The following RNF149 variants were observed in gnomAD, a reference collection of about 807,000 sequenced individuals.
RNF149 encodes the protein E3 ubiquitin-protein ligase RNF149.
In RNF149, 21 loss-of-function variants were observed where a neutral mutation model predicts 39.0. The observed-to-expected ratio is 0.54, with a 90% confidence interval of 0.38 to 0.77. The LOEUF is 0.77. Among genes scored for constraint, RNF149 ranks in the 30% least tolerant of loss-of-function variants. RNF149 has a pLI of 0.00. For synonymous variants in RNF149, 209 were observed against 213.6 expected (o/e 0.98, Z 0.19); for missense variants, 493 against 534.9 (o/e 0.92, Z 0.77).
chr2:101,300,874 T>G (rs1179571389), intron 1 of RNF149, among the ~76,000 whole-genome samples: 2 of 152,212 alleles, frequency 1.3e-5, no homozygotes, highest in Non-Finnish European at 2.9e-5. Context: ...TGTGCACAAC[T>G]GCAAGGGGTG....
chr2:101,279,478 T>C (rs758802672), intron 6 of RNF149, among the ~76,000 whole-genome samples: 1 of 152,208 alleles, frequency 6.6e-6, no homozygotes, highest in South Asian at 2.1e-4. Context: ...AGGGTGCTCA[T>C]GTACTAGAGA....
chr2:101,285,741 A>G (rs1357469355), intron 5 of RNF149, among the ~76,000 whole-genome samples: 3 of 152,202 alleles, frequency 2.0e-5, no homozygotes, highest in East Asian at 3.8e-4. Context: ...CTGACAACCT[A>G]TGAGGCTCCT....
chr2:101,298,585 C>T (rs1040871653), intron 1 of RNF149, among the ~76,000 whole-genome samples: 4 of 152,084 alleles, frequency 2.6e-5, no homozygotes, highest in African/African-American at 7.2e-5. Flanking sequence ...TAAGTACTGA[C>T]AGTACTCAAG....
At chr2:101,287,119 C>T (rs1411652131) in intron 4 of RNF149, among the ~76,000 whole-genome samples, 3 of 152,052 alleles carry the variant, frequency 2.0e-5, no homozygotes, top group African/African-American at 4.8e-5. Flanking sequence ...GTCAGGAGTT[C>T]GAGACCAGCC....
chr2:101,271,973 CAT>C (rs1250714861), downstream of RNF149, among the ~76,000 whole-genome samples: 21 of 152,322 alleles, frequency 1.4e-4, no homozygotes, highest in Middle Eastern at 3.4e-3. Flanking sequence ...ATGATGGTCA[CAT>C]GTCTCTTTTA....
intron 5 of RNF149, 62 bp downstream of exon 5, chr2:101,286,019 G>T (rs1229412429): frequency 6.3e-6 from 6 of 950,134 alleles, no homozygotes; most frequent in Admixed American, 3.8e-5. Context: ...AGTCAATAAT[G>T]AAACTGAATC....
chr2:101,294,213 A>G, intron 2 of RNF149, 131 bp from the exon 3 acceptor site: 1 of 573,120 alleles, frequency 1.7e-6, no homozygotes, highest in Non-Finnish European at 3.1e-6. Context: ...TCAAATGACT[A>G]TACTGAAAAT....
rs776207284 is a variant in RNF149, at chr2:101,294,050, G to A, written c.744C>T (p.Gly248=). 1.9e-6 allele frequency: 3 copies of A among 1,587,012 alleles called. No homozygotes were observed. The highest frequency in any genetic ancestry group is 2.2e-5 in the South Asian group (2 of 89,892). The change falls in exon 3 of 7, where the codon GGC becomes GGT. Residue 248 remains glycine, a synonymous_variant. Transcript: ENST00000295317. ...GCTTTACAGTATGAAGTAGAAGCTG[G>A]CCAATAACTTTCTTAGTTTCTTTTC... ...SHRKETKKVI[G]QLLLHTVKHG... is the part of the protein sequence containing the mutation.
At chr2:101,307,808 G>A in intron 1 of RNF149, 3 of 985,154 alleles carry the variant, frequency 3.0e-6, no homozygotes, top group Non-Finnish European at 3.6e-6. Flanking sequence ...ATGGAAAAGA[G>A]GCCCATGATT....
rs1249884190 is a variant in RNF149, at chr2:101,277,234, T to C, written c.*4A>G. 1 of 1,613,650 alleles carries C rather than the reference T, an allele frequency of 6.2e-7. No homozygotes were observed. The highest frequency in any genetic ancestry group is 1.1e-5 in the South Asian group (1 of 90,998). On this transcript the variant is annotated 3_prime_UTR_variant, in exon 7 of 7. Transcript: ENST00000295317. ...TGTTGGTGCCACTTCAGTGGGCACG[T>C]GTGCTAGGAGATGGGTCCTCCATGC...
chr2:101,299,289 T>C (rs1683361802), intron 1 of RNF149, among the ~76,000 whole-genome samples: 1 of 152,188 alleles, frequency 6.6e-6, no homozygotes, highest in Non-Finnish European at 1.5e-5. Context: ...ATCTCAAGCT[T>C]TGGGATTCAG....
chr2:101,281,785 A>C, intron 6 of RNF149, 74 bp downstream of exon 6: 1 of 1,562,944 alleles, frequency 6.4e-7, no homozygotes, highest in Non-Finnish European at 8.7e-7. Context: ...TAAACTCCCA[A>C]AGCACTGAGA....
chr2:101,279,623 C>G (rs146857823), intron 6 of RNF149, among the ~76,000 whole-genome samples: 2 of 152,066 alleles, frequency 1.3e-5, no homozygotes, highest in Non-Finnish European at 2.9e-5. Context: ...GCAAGGTGGC[C>G]CAGTCTTAGC....
chr2:101,301,815 C>G (rs1249823575), intron 1 of RNF149, among the ~76,000 whole-genome samples: 5 of 152,152 alleles, frequency 3.3e-5, no homozygotes, highest in African/African-American at 1.2e-4. Flanking sequence ...TGACATGAGT[C>G]TAGTGTACTA....
At chr2:101,298,035 G>C (rs946128676) in intron 1 of RNF149, among the ~76,000 whole-genome samples, 1 of 152,152 alleles carries the variant, frequency 6.6e-6, no homozygotes, top group African/African-American at 2.4e-5. Flanking sequence ...TCTACGAAAG[G>C]CAATGGCATT....
At chr2:101,295,207 T>G in intron 1 of RNF149, 26 bp from the exon 2 acceptor site, 1 of 1,590,554 alleles carries the variant, frequency 6.3e-7, no homozygotes, top group South Asian at 1.1e-5. Flanking sequence ...AAGAAATCAA[T>G]GTGAAGAACA....
rs760017148 is a variant in RNF149, at chr2:101,308,456, C to T, written c.133G>A (p.Glu45Lys). The change falls in exon 1 of 7, where the codon GAG becomes AAG. Residue 45 changes from glutamate (E) to lysine (K), a missense_variant. Physicochemically the swap from Glu to Lys is moderately conservative, Grantham distance 56. Coordinates refer to ENST00000295317, the MANE Select transcript of RNF149 (RefSeq NM_173647.4). ...AGGTTGGTCTGCGGGTCCACGTACT[C>T]GATGTTTACCACGGCCGAGAACCAC... ...LEWFSAVVNI[E>K]YVDPQTNLTV... 3.1e-6 allele frequency: 5 copies of T among 1,611,580 alleles called. No homozygotes were observed. Among genetic ancestry groups the T allele is most frequent in the Non-Finnish European group, 4.2e-6 (5 of 1,179,406 alleles).
rs905403360 is a variant in RNF149 at position 101,308,524 on chromosome 2, G to A, written c.65C>T (p.Ala22Val). 5 of 1,605,384 alleles carry A rather than the reference G, an allele frequency of 3.1e-6. No homozygotes were observed. The highest frequency in any genetic ancestry group is 4.2e-6 in the Non-Finnish European group (5 of 1,177,534). The stretch of plus-strand genomic sequence containing the variant: ...GGCCCCGGGCACGCACAGGGCCAGG[G>A]CGAGCAACGCCAGAGCCAACACGCC... ...ARGVLALALL[A>V]LALCVPGARG... Residue 22 changes from alanine (A) to valine (V), a missense_variant, in exon 1 of 7, where the codon GCC becomes GTC. Coordinates refer to ENST00000295317, the MANE Select transcript of RNF149 (RefSeq NM_173647.4).
At chr2:101,287,339 A>C (rs368547424) in intron 4 of RNF149, among the ~76,000 whole-genome samples, 3 of 152,236 alleles carry the variant, frequency 2.0e-5, no homozygotes, top group African/African-American at 7.2e-5. Context: ...AATAAAAAAA[A>C]CAGTACTTAA....
Sources: allele counts gnomAD v4.1 joint callset (sites outside exome capture counted in the v4.1 genomes callset), GRCh38; gene constraint gnomAD v4.1.1; transcripts MANE v1.5; gene names NCBI Gene and HGNC (gene_info 2026-07-23, HGNC 2026-07-21).